The following UNC5D variants were observed in gnomAD, a reference collection of about 807,000 sequenced individuals.
UNC5D encodes netrin receptor UNC5D.
In UNC5D, 39 loss-of-function variants were observed where a neutral mutation model predicts 105.4. The observed-to-expected ratio is 0.37, with a 90% CI of 0.29 to 0.48. The LOEUF is 0.48. Ranked by LOEUF, UNC5D falls within the 20% of genes least tolerant of loss-of-function variation. UNC5D has a pLI of 0.98. For synonymous variants in UNC5D, 452 were observed against 450.4 expected, an observed-to-expected ratio of 1.00 and a Z score of -0.04; for missense variants, 991 against 1,202.4, an observed-to-expected ratio of 0.82 and a Z score of 2.60.
Position 35,266,201 on chromosome 8 carries a change from A to C in UNC5D, c.103+30314A>C, listed in dbSNP as rs1363934504. Among the ~76,000 whole-genome samples, 3 of 152,170 alleles carry C rather than the reference A, an allele frequency of 2.0e-5. No homozygotes were observed. In the East Asian group the frequency reaches 5.8e-4, roughly 29 times the overall value. Reference sequence around the variant, plus strand: ...TGATAAATGTTTGGGAGCTTATTCGAGGTTTCTTTAAAACAAAAGATAATT... The same window carrying C: ...TGATAAATGTTTGGGAGCTTATTCGCGGTTTCTTTAAAACAAAAGATAATT... On this transcript the variant is annotated intron_variant, in intron 1 of 16. Transcript: ENST00000404895.
chr8:35,703,861 C>T (rs1196186376), intron 7 of UNC5D, among the ~76,000 whole-genome samples: 10 of 152,192 alleles, frequency 6.6e-5, no homozygotes, highest in Non-Finnish European at 1.3e-4. Flanking sequence ...CCTCGCTGTG[C>T]CCCATGCCAA....
intron 1 of UNC5D, among the ~76,000 whole-genome samples, chr8:35,352,216 T>C (rs1416927273): frequency 6.6e-6 from 1 of 152,040 alleles, no homozygotes; most frequent in Non-Finnish European, 1.5e-5. Context: ...CATAAGATGG[T>C]TATTATGTTA....
chr8:35,650,941 TCA>T (rs1823367772), intron 4 of UNC5D, among the ~76,000 whole-genome samples: 1 of 152,204 alleles, frequency 6.6e-6, no homozygotes, highest in Non-Finnish European at 1.5e-5. Context: ...TTAAGTCCTT[TCA>T]AAGTCTGGTA....
intron 1 of UNC5D, among the ~76,000 whole-genome samples, chr8:35,530,952 T>C (rs1814320129): frequency 6.7e-6 from 1 of 148,480 alleles, no homozygotes; most frequent in Admixed American, 6.7e-5. Flanking sequence ...TCTTTATTAG[T>C]CTTGCTAGTG....
intron 1 of UNC5D, among the ~76,000 whole-genome samples, chr8:35,499,069 A>G (rs1811804263): frequency 6.6e-6 from 1 of 152,276 alleles, no homozygotes; most frequent in East Asian, 1.9e-4. Context: ...AATCATGACA[A>G]TTGATCTGCA....
intron 4 of UNC5D, among the ~76,000 whole-genome samples, chr8:35,681,682 A>G (rs1265746921): frequency 6.6e-6 from 1 of 151,968 alleles, no homozygotes; most frequent in East Asian, 1.9e-4. Context: ...TTGCTTTTTT[A>G]CTTCATTGTT....
At chr8:35,536,490 A>G (rs534506596) in intron 1 of UNC5D, among the ~76,000 whole-genome samples, 1 of 152,336 alleles carries the variant, frequency 6.6e-6, no homozygotes, top group African/African-American at 2.4e-5. Context: ...CCTTTTCTTT[A>G]TGAATCCTCC....
chr8:35,606,448 A>G (rs1820299168), intron 4 of UNC5D, among the ~76,000 whole-genome samples: 1 of 152,190 alleles, frequency 6.6e-6, no homozygotes. Flanking sequence ...TTCAAGTTCA[A>G]GAGTACATGT....
chr8:35,338,175 A>G (rs1811195104), intron 1 of UNC5D, among the ~76,000 whole-genome samples: 1 of 152,176 alleles, frequency 6.6e-6, no homozygotes, highest in Admixed American at 6.5e-5. Flanking sequence ...TGGAGAAGTA[A>G]GTGACCATTT....
chr8:35,413,624 C>G (rs1380896246), intron 1 of UNC5D, among the ~76,000 whole-genome samples: 4 of 151,966 alleles, frequency 2.6e-5, no homozygotes, highest in African/African-American at 7.2e-5. Flanking sequence ...TCAATTTGAT[C>G]TTGATGAAAG....
intron 3 of UNC5D, among the ~76,000 whole-genome samples, chr8:35,585,371 A>G (rs1335314339): frequency 1.3e-5 from 2 of 152,108 alleles, no homozygotes; most frequent in Non-Finnish European, 2.9e-5. Context: ...AAGAGAAGAG[A>G]GTGCATGGAG....
At chr8:35,409,939 T>C (rs1805050644) in intron 1 of UNC5D, among the ~76,000 whole-genome samples, 1 of 151,684 alleles carries the variant, frequency 6.6e-6, no homozygotes, top group Non-Finnish European at 1.5e-5. Flanking sequence ...TTTTTTTTTT[T>C]AAACATAGCA....
At chr8:35,688,591 T>C (rs1047311699) in intron 7 of UNC5D, among the ~76,000 whole-genome samples, 2 of 152,244 alleles carry the variant, frequency 1.3e-5, no homozygotes, top group African/African-American at 4.8e-5. Context: ...AGTTGTAGTT[T>C]GGGTATGCTC....
At chr8:35,592,248 A>G (rs978379848) in intron 3 of UNC5D, among the ~76,000 whole-genome samples, 4 of 152,072 alleles carry the variant, frequency 2.6e-5, no homozygotes, top group Non-Finnish European at 5.9e-5. Flanking sequence ...CTCAGTTGCT[A>G]TTTCCTTTTG....
At chr8:35,576,588 G>T (rs1211960328) in intron 3 of UNC5D, among the ~76,000 whole-genome samples, 1 of 152,032 alleles carries the variant, frequency 6.6e-6, no homozygotes, top group Admixed American at 6.6e-5. Flanking sequence ...GGTGAGATAT[G>T]GACTAACAGA....
chr8:35,634,605 T>C (rs1822240160), intron 4 of UNC5D, among the ~76,000 whole-genome samples: 1 of 152,184 alleles, frequency 6.6e-6, no homozygotes, highest in Non-Finnish European at 1.5e-5. Flanking sequence ...AGACAAGTTA[T>C]TTAGTTTTGA....
intron 1 of UNC5D, among the ~76,000 whole-genome samples, chr8:35,474,076 A>G (rs1047536237): frequency 2.0e-5 from 3 of 152,240 alleles, no homozygotes; most frequent in African/African-American, 7.2e-5. Flanking sequence ...ACACCACTGA[A>G]TTGGAGATCA....
At chr8:35,707,642 A>G (rs1827672827) in intron 8 of UNC5D, among the ~76,000 whole-genome samples, 2 of 152,170 alleles carry the variant, frequency 1.3e-5, no homozygotes, top group African/African-American at 4.8e-5. Flanking sequence ...CACAAAAAAG[A>G]TCATAGGTAT....
chr8:35,299,296 A>C (rs1465822428), intron 1 of UNC5D, among the ~76,000 whole-genome samples: 1 of 152,226 alleles, frequency 6.6e-6, no homozygotes, highest in African/African-American at 2.4e-5. Flanking sequence ...CTGTTTGAGG[A>C]ATGGCAGGTC....
Sources: allele counts gnomAD v4.1 joint callset (sites outside exome capture counted in the v4.1 genomes callset), GRCh38; gene constraint gnomAD v4.1.1; transcripts MANE v1.5; gene names NCBI Gene and HGNC (gene_info 2026-07-23, HGNC 2026-07-21).